The following WDPCP variants were observed in gnomAD, a reference collection of about 807,000 sequenced individuals.
WDPCP encodes the protein WD repeat-containing and planar cell polarity effector protein fritz homolog.
Under a neutral mutation model 93.1 loss-of-function variants are expected in WDPCP, and 71 were observed. That is an observed-to-expected ratio of 0.76 (90% CI 0.63 to 0.93). WDPCP has a LOEUF of 0.93. WDPCP is among the 40% of genes least tolerant of loss of function. The pLI is 0.00. For missense variants in WDPCP, 844 were observed against 887.4 expected, an observed-to-expected ratio of 0.95 and a Z score of 0.62; for synonymous variants, 315 against 315.0, an observed-to-expected ratio of 1.00 and a Z score of 0.00.
rs556544993 is a variant in WDPCP at position 63,212,047 on chromosome 2, G to A, written c.1916-37215C>T. On this transcript the variant is annotated intron_variant, in intron 14 of 17. Transcript: ENST00000272321. ...TGGAACCAACTTGGAAAACACTCTT[G>A]AGGATATTATCAAAGAGAACTTCTC... 2.6e-5 allele frequency among the ~76,000 whole-genome samples: 4 copies of A among 152,260 alleles called. No individual in the cohort carries two copies. In the East Asian group the frequency reaches 7.7e-4, roughly 29 times the overall value.
At chr2:63,202,136 T>C (rs912277334) in intron 14 of WDPCP, among the ~76,000 whole-genome samples, 1 of 151,938 alleles carries the variant, frequency 6.6e-6, no homozygotes, top group Non-Finnish European at 1.5e-5. Flanking sequence ...TTAAGTACTA[T>C]ATATTTTACC....
intron 13 of WDPCP, among the ~76,000 whole-genome samples, chr2:63,280,291 G>C (rs1559277581): frequency 6.6e-6 from 1 of 152,160 alleles, no homozygotes; most frequent in Non-Finnish European, 1.5e-5. Flanking sequence ...TTACATGGCC[G>C]AGGCAAGAGA....
intron 2 of WDPCP, among the ~76,000 whole-genome samples, chr2:63,657,060 G>C (rs974344958): frequency 2.7e-4 from 41 of 152,184 alleles, no homozygotes; most frequent in African/African-American, 9.7e-4. Flanking sequence ...GTTAGTGACA[G>C]AGTGCTAAGA....
chr2:63,501,627 T>G (rs1208450273), intron 1 of WDPCP, among the ~76,000 whole-genome samples: 2 of 152,330 alleles, frequency 1.3e-5, no homozygotes, highest in East Asian at 3.9e-4. Context: ...TGTTTCTTTC[T>G]TTTTTGGAGA....
chr2:63,513,251 T>A (rs780581965), intron 1 of WDPCP, among the ~76,000 whole-genome samples: 1 of 152,206 alleles, frequency 6.6e-6, no homozygotes, highest in Non-Finnish European at 1.5e-5. Context: ...TATAGTATGC[T>A]ACATGATTAT....
At chr2:63,263,465 T>C (rs1267711907) in intron 13 of WDPCP, among the ~76,000 whole-genome samples, 2 of 152,218 alleles carry the variant, frequency 1.3e-5, no homozygotes, top group Admixed American at 1.3e-4. Flanking sequence ...TTCCTTTCTC[T>C]GTCTCATGTG....
In WDPCP at chr2:63,550,724, T is replaced by C. The variant is rs186133190; in HGVS notation, c.75+37473A>G. Among the ~76,000 whole-genome samples the C allele has an allele frequency of 4.8e-4, 72 of 150,862 alleles. 1 individual carries two copies. Among genetic ancestry groups the C allele is most frequent in the Non-Finnish European group, 1.9e-4 (13 of 67,714 alleles). ...ATATACATATATGTGTGTATATATA[T>C]ACATATATATGTGCATATGTATGTG... On this transcript the variant is annotated intron_variant, in intron 1 of 17. Coordinates refer to ENST00000272321, the MANE Select transcript of WDPCP (RefSeq NM_015910.7).
intron 2 of WDPCP, among the ~76,000 whole-genome samples, chr2:63,688,528 A>G (rs1358180180): frequency 1.9e-3 from 129 of 66,554 alleles, no homozygotes; most frequent in Non-Finnish European, 2.7e-3. Context: ...GGAGAGAAAT[A>G]GTTAGAAAGA....
intron 3 of WDPCP, chr2:63,606,836 C>G: frequency 6.3e-7 from 1 of 1,576,918 alleles, no homozygotes; most frequent in Non-Finnish European, 8.6e-7. Flanking sequence ...CAGTTTAAAT[C>G]TCTTATTTGC....
At chr2:63,210,230 A>C (rs1676664197) in intron 14 of WDPCP, among the ~76,000 whole-genome samples, 1 of 152,116 alleles carries the variant, frequency 6.6e-6, no homozygotes. Flanking sequence ...TTGCCTCTGA[A>C]GAGAAGACTG....
At chr2:63,753,489 G>A (rs1485111314) in intron 2 of WDPCP, among the ~76,000 whole-genome samples, 1 of 152,066 alleles carries the variant, frequency 6.6e-6, no homozygotes, top group Non-Finnish European at 1.5e-5. Flanking sequence ...AAGAAAAGAG[G>A]TTCAACTGGC....
At chr2:63,752,148 A>C in intron 2 of WDPCP, 1 of 620,474 alleles carries the variant, frequency 1.6e-6, no homozygotes, top group Non-Finnish European at 2.9e-6. Context: ...TCTGAATGAC[A>C]ATTTTATCCA....
At chr2:63,186,798 TG>T (rs1334424444) in intron 14 of WDPCP, among the ~76,000 whole-genome samples, 1 of 150,936 alleles carries the variant, frequency 6.6e-6, no homozygotes, top group African/African-American at 2.4e-5. Context: ...TGCACTGTTT[TG>T]TGTGTGTGTG....
At chr2:63,171,296 A>C (rs779724187) in intron 15 of WDPCP, among the ~76,000 whole-genome samples, 1 of 152,238 alleles carries the variant, frequency 6.6e-6, no homozygotes, top group Non-Finnish European at 1.5e-5. Flanking sequence ...ATACTTGCAC[A>C]TCAGGTATTT....
At chr2:63,589,534 G>A (rs1198699824), upstream of WDPCP, 8 of 772,186 alleles carry the variant, frequency 1.0e-5, no homozygotes, top group Non-Finnish European at 1.7e-5. Flanking sequence ...ATCTGCGTTT[G>A]CAGCAGACGT....
chr2:63,818,983 T>C (rs1670979192), intron 1 of WDPCP, among the ~76,000 whole-genome samples: 1 of 152,126 alleles, frequency 6.6e-6, no homozygotes, highest in Non-Finnish European at 1.5e-5. Context: ...TTGATATATA[T>C]TTACTATAAA....
intron 13 of WDPCP, among the ~76,000 whole-genome samples, chr2:63,297,790 T>A (rs1684983869): frequency 6.6e-6 from 1 of 152,148 alleles, no homozygotes; most frequent in Admixed American, 6.5e-5. Flanking sequence ...TAATCAGGGA[T>A]ATATACACAA....
intron 14 of WDPCP, among the ~76,000 whole-genome samples, 155 bp from the exon 15 acceptor site, chr2:63,174,987 G>A (rs1673698465): frequency 6.6e-6 from 1 of 152,052 alleles, no homozygotes. Context: ...TATGACTTCT[G>A]TCATTCTTAT....
intron 15 of WDPCP, among the ~76,000 whole-genome samples, chr2:63,160,302 A>G (rs1672557786): frequency 6.6e-6 from 1 of 152,154 alleles, no homozygotes; most frequent in Admixed American, 6.5e-5. Flanking sequence ...TTCCCCACAT[A>G]TATTTTTAGG....
Sources: allele counts gnomAD v4.1 joint callset (sites outside exome capture counted in the v4.1 genomes callset), GRCh38; gene constraint gnomAD v4.1.1; transcripts MANE v1.5; gene names NCBI Gene and HGNC (gene_info 2026-07-23, HGNC 2026-07-21).